The following NDST3 variants were observed in gnomAD, a reference collection of about 807,000 sequenced individuals.
NDST3 encodes the protein N-deacetylase and N-sulfotransferase 3.
A neutral mutation model predicts 96.1 loss-of-function variants in NDST3; 58 were observed. That is an observed-to-expected ratio of 0.60 (90% confidence interval 0.49 to 0.75). NDST3 has a LOEUF of 0.75. Among genes scored for constraint, NDST3 ranks in the 30% least tolerant of loss-of-function variants. The pLI is 0.00. For missense variants in NDST3, 788 were observed against 1,034.2 expected (o/e 0.76, Z 3.27); for synonymous variants, 333 against 359.7 (o/e 0.93, Z 0.84).
At chr4:118,165,658 A>G (rs750933797) in intron 6 of NDST3, among the ~76,000 whole-genome samples, 11 of 152,090 alleles carry the variant, frequency 7.2e-5, no homozygotes, top group Non-Finnish European at 7.4e-5. Flanking sequence ...AGGATAGATT[A>G]CATGTTGGAT....
intron 6 of NDST3, chr4:118,194,655 A>G: frequency 1.5e-6 from 1 of 670,146 alleles, no homozygotes; most frequent in Admixed American, 2.0e-5. Context: ...GACCTTCAGC[A>G]TGCCTTCCTC....
At chr4:118,076,265 CTA>C (rs989560825) in intron 2 of NDST3, among the ~76,000 whole-genome samples, 1 of 152,090 alleles carries the variant, frequency 6.6e-6, no homozygotes, top group African/African-American at 2.4e-5. Context: ...AATATGATGA[CTA>C]TGTGTCTTGG....
rs149171015 is a variant in NDST3 at position 118,096,213 on chromosome 4, T to C, written c.982-8805T>C. On this transcript the variant is annotated intron_variant, in intron 2 of 13. Coordinates refer to ENST00000296499, the MANE Select transcript of NDST3 (RefSeq NM_004784.3). The stretch of plus-strand genomic sequence containing the variant: ...CACTCTGATTCTTAAACTACCTCTA[T>C]ATACAGATGCTCCTTGAAATACACT... Among the ~76,000 whole-genome samples, 42 of 152,066 alleles carry C rather than the reference T, an allele frequency of 2.8e-4. 1 individual carries two copies. In the East Asian group the frequency reaches 8.1e-3, roughly 29 times the overall value.
rs912490312 is a variant in NDST3, at chr4:118,161,578, G to A, written c.1539+17894G>A. On this transcript the variant is annotated intron_variant, in intron 6 of 13. Coordinates refer to ENST00000296499, the MANE Select transcript of NDST3 (RefSeq NM_004784.3). ...TACCTAAGCAAGCCTGGGCGATGGTGGGCGCCTATCCCCCAGCCTCGCTGC... is the reference window on the plus strand; with the variant it reads ...TACCTAAGCAAGCCTGGGCGATGGTAGGCGCCTATCCCCCAGCCTCGCTGC... Among the ~76,000 whole-genome samples, 61 of 152,294 alleles carry A rather than the reference G, an allele frequency of 4.0e-4. 1 individual carries two copies. The highest frequency in any genetic ancestry group is 1.5e-3 in the African/African-American group (61 of 41,568).
chr4:118,167,733 A>G (rs912421142), intron 6 of NDST3, among the ~76,000 whole-genome samples: 3 of 152,078 alleles, frequency 2.0e-5, no homozygotes, highest in Admixed American at 6.6e-5. Context: ...ATGGAACAGA[A>G]TACAGAGCCC....
intron 3 of NDST3, among the ~76,000 whole-genome samples, chr4:118,106,610 G>A (rs921515272): frequency 6.6e-6 from 1 of 152,030 alleles, no homozygotes; most frequent in South Asian, 2.1e-4. Context: ...ATATCAGATA[G>A]GGGTCTTTTT....
chr4:118,132,194 TG>T (rs1218087290), intron 4 of NDST3, among the ~76,000 whole-genome samples: 2 of 152,158 alleles, frequency 1.3e-5, no homozygotes, highest in Admixed American at 6.5e-5. Flanking sequence ...AGATGCTGTC[TG>T]GGAGCCAAGG....
At chr4:118,134,222 A>T (rs186967319) in intron 4 of NDST3, among the ~76,000 whole-genome samples, 2 of 152,322 alleles carry the variant, frequency 1.3e-5, no homozygotes, top group Non-Finnish European at 2.9e-5. Flanking sequence ...GGAAAGTTTC[A>T]TGTGACTAAA....
chr4:118,185,010 G>T (rs954881405), intron 6 of NDST3, among the ~76,000 whole-genome samples: 1 of 152,092 alleles, frequency 6.6e-6, no homozygotes, highest in African/African-American at 2.4e-5. Flanking sequence ...TAATAAATAT[G>T]AGTCACTAAA....
intron 2 of NDST3, among the ~76,000 whole-genome samples, chr4:118,070,106 T>G (rs1726925395): frequency 6.6e-6 from 1 of 152,118 alleles, no homozygotes; most frequent in Non-Finnish European, 1.5e-5. Flanking sequence ...GCAGCAAACC[T>G]ATGAGTGTGA....
intron 7 of NDST3, among the ~76,000 whole-genome samples, chr4:118,224,893 A>G (rs1739777269): frequency 6.6e-6 from 1 of 152,192 alleles, no homozygotes; most frequent in Non-Finnish European, 1.5e-5. Flanking sequence ...TGGGATTCGG[A>G]AAGTTCAGTG....
At chr4:118,123,328 A>G (rs941890043) in intron 4 of NDST3, among the ~76,000 whole-genome samples, 15 of 152,184 alleles carry the variant, frequency 9.9e-5, no homozygotes, top group Non-Finnish European at 1.5e-4. Flanking sequence ...TCAACCTTGC[A>G]TATTTTCAGG....
chr4:118,242,844 C>G (rs1741091242), intron 12 of NDST3, among the ~76,000 whole-genome samples: 1 of 152,030 alleles, frequency 6.6e-6, no homozygotes, highest in South Asian at 2.1e-4. Flanking sequence ...AGAAGGCAGT[C>G]ACTCTCGGAG....
intron 3 of NDST3, among the ~76,000 whole-genome samples, chr4:118,106,741 T>A (rs1308333127): frequency 6.6e-6 from 1 of 151,926 alleles, no homozygotes; most frequent in Non-Finnish European, 1.5e-5. Flanking sequence ...CAGTAAACTA[T>A]GTTCATGCCA....
chr4:118,254,391 T>C (rs1741980321), intron 13 of NDST3, among the ~76,000 whole-genome samples: 2 of 152,170 alleles, frequency 1.3e-5, no homozygotes, highest in African/African-American at 4.8e-5. Flanking sequence ...AGAAGCAATG[T>C]ATTTCCCAAC....
rs1336695079 is a variant in NDST3, at chr4:118,184,599, CTCT to C, written c.1540-39891_1540-39889del. ...TGTCTCCCTTTGTCTCTCTCTCTCT[CTCT>C]ACACACACACACACACACACACACA... is the stretch of plus-strand genomic sequence containing the variant. On this transcript the variant is annotated intron_variant, in intron 6 of 13. Coordinates refer to ENST00000296499, the MANE Select transcript of NDST3 (RefSeq NM_004784.3). Among the ~76,000 whole-genome samples the C allele has an allele frequency of 4.2e-5, 4 of 95,732 alleles. No individual in the cohort carries two copies. In the Admixed American group the frequency reaches 4.4e-4, roughly 11 times the overall value. The allele number at this position is 95,732 out of a possible 152,430, so 62.8% of individuals were successfully genotyped here. A position where few individuals can be genotyped will look rare whatever the true frequency, so the allele number is the denominator to read the frequency against.
chr4:118,105,778 A>T (rs1730131359), intron 3 of NDST3, among the ~76,000 whole-genome samples: 7 of 152,278 alleles, frequency 4.6e-5, no homozygotes, highest in Admixed American at 3.9e-4. Flanking sequence ...TGTTACGAAC[A>T]TTTTTATACC....
At chr4:118,244,614 T>C (rs1741197889) in intron 12 of NDST3, among the ~76,000 whole-genome samples, 2 of 152,228 alleles carry the variant, frequency 1.3e-5, no homozygotes, top group Non-Finnish European at 2.9e-5. Flanking sequence ...AAGCAAGGTC[T>C]ATACAAATGT....
chr4:118,215,298 T>C (rs1363342843), intron 6 of NDST3, among the ~76,000 whole-genome samples: 1 of 152,080 alleles, frequency 6.6e-6, no homozygotes, highest in Non-Finnish European at 1.5e-5. Context: ...GAAAACAGTG[T>C]CAAAAAAGCC....
Sources: gnomAD v4.1 joint callset for allele counts (sites outside exome capture counted in the v4.1 genomes callset) on GRCh38, gnomAD v4.1.1 for gene constraint, MANE v1.5 for transcripts, NCBI Gene and HGNC (gene_info 2026-07-23, HGNC 2026-07-21) for gene names.